The following CAAP1 variants were observed in gnomAD, a reference collection of about 807,000 sequenced individuals.
The protein encoded by CAAP1 is caspase activity and apoptosis inhibitor 1.
A neutral mutation model predicts 34.0 loss-of-function variants in CAAP1; 20 were observed. The observed-to-expected ratio is 0.59, with a 90% CI of 0.41 to 0.86. The LOEUF (loss-of-function observed/expected upper bound fraction) is 0.86, where lower values mean the gene tolerates loss of function less well. Ranked by LOEUF, CAAP1 falls within the 40% of genes least tolerant of loss-of-function variation. CAAP1 has a pLI of 0.00. For synonymous variants in CAAP1, 213 were observed against 166.7 expected, an observed-to-expected ratio of 1.28 and a Z score of -2.14; for missense variants, 538 against 450.5, an observed-to-expected ratio of 1.19 and a Z score of -1.76.
At chr9:26,891,950 T>C (rs1218900349) in intron 1 of CAAP1, among the ~76,000 whole-genome samples, 3 of 152,192 alleles carry the variant, frequency 2.0e-5, no homozygotes, top group Admixed American at 6.5e-5. Context: ...TAGTCAGATA[T>C]TTGGATTCAA....
chr9:26,869,952 A>T (rs1330986750), intron 4 of CAAP1: 2 of 984,876 alleles, frequency 2.0e-6, no homozygotes, highest in Admixed American at 1.2e-4. Context: ...CCAGTGCTTG[A>T]GCAGCAGGAT....
In CAAP1 at chr9:26,858,833, A is replaced by G. The variant is rs184898358; in HGVS notation, c.739+2233T>C. ...GGGAGGCTCCATCTCAAAAAAAAAA[A>G]AAAAAGAAAAAGAAATTAGCTAGGA... On this transcript the variant is annotated intron_variant, in intron 5 of 5. Coordinates refer to ENST00000333916, the MANE Select transcript of CAAP1 (RefSeq NM_024828.4). Among the ~76,000 whole-genome samples, 888 of 150,606 alleles carry G rather than the reference A, an allele frequency of 5.9e-3. 7 individuals carry two copies. Among genetic ancestry groups the G allele is most frequent in the African/African-American group, 0.02 (821 of 40,926 alleles).
chr9:26,888,293 C>T (rs1016363755), intron 1 of CAAP1, among the ~76,000 whole-genome samples: 1 of 152,218 alleles, frequency 6.6e-6, no homozygotes, highest in African/African-American at 2.4e-5. Context: ...CATGCTCATT[C>T]TTTGTGTTTA....
intron 4 of CAAP1, among the ~76,000 whole-genome samples, chr9:26,875,238 T>C (rs759558026): frequency 1.4e-4 from 22 of 152,088 alleles, no homozygotes; most frequent in South Asian, 4.2e-4. Context: ...ATACAAAAAT[T>C]AGCCAGGCGT....
chr9:26,855,138 G>A (rs1488608043), intron 5 of CAAP1, among the ~76,000 whole-genome samples: 1 of 152,172 alleles, frequency 6.6e-6, no homozygotes, highest in Non-Finnish European at 1.5e-5. Flanking sequence ...TCCATGCAAT[G>A]GAAAATATTC....
intron 4 of CAAP1, among the ~76,000 whole-genome samples, chr9:26,879,383 C>T (rs912305949): frequency 6.6e-6 from 1 of 152,112 alleles, no homozygotes; most frequent in Non-Finnish European, 1.5e-5. Flanking sequence ...TGCTTTACGT[C>T]CCTGAATTTA....
At chr9:26,875,704 G>A (rs1267164738) in intron 4 of CAAP1, among the ~76,000 whole-genome samples, 1 of 151,800 alleles carries the variant, frequency 6.6e-6, no homozygotes, top group Non-Finnish European at 1.5e-5. Flanking sequence ...GAAGTACTAG[G>A]TAGTGCACTG....
At chr9:26,859,250 C>T (rs751702982) in intron 5 of CAAP1, among the ~76,000 whole-genome samples, 6 of 152,148 alleles carry the variant, frequency 3.9e-5, no homozygotes, top group African/African-American at 1.4e-4. Flanking sequence ...TCTTCTCTCC[C>T]TCTCTGCACC....
chr9:26,872,579 CAG>C (rs1199372968), intron 4 of CAAP1, among the ~76,000 whole-genome samples: 1 of 141,872 alleles, frequency 7.0e-6, no homozygotes, highest in African/African-American at 2.9e-5. Flanking sequence ...TATATTTAGA[CAG>C]AGTGTCAATC....
At chr9:26,853,780 C>A in intron 5 of CAAP1, among the ~76,000 whole-genome samples, 1 of 152,138 alleles carries the variant, frequency 6.6e-6, no homozygotes. Flanking sequence ...ACAAAGAGTT[C>A]ATCCATTTTA....
At chr9:26,866,179 A>G (rs1364610256) in intron 4 of CAAP1, among the ~76,000 whole-genome samples, 2 of 152,152 alleles carry the variant, frequency 1.3e-5, no homozygotes, top group African/African-American at 4.8e-5. Context: ...CACTAATAAA[A>G]TGTTTAAATG....
At chr9:26,891,931 T>C (rs1006113181) in intron 1 of CAAP1, among the ~76,000 whole-genome samples, 2 of 152,170 alleles carry the variant, frequency 1.3e-5, no homozygotes, top group Non-Finnish European at 2.9e-5. Context: ...ATAAAGAACA[T>C]GGCTTTTGTA....
At chr9:26,878,882 A>C (rs1823514430) in intron 4 of CAAP1, among the ~76,000 whole-genome samples, 1 of 152,176 alleles carries the variant, frequency 6.6e-6, no homozygotes, top group Non-Finnish European at 1.5e-5. Flanking sequence ...TATCCAGCCC[A>C]AAGTAAACAC....
Position 26,871,958 on chromosome 9 carries a change from A to C in CAAP1, c.666-10819T>G, listed in dbSNP as rs573784967. ...ATAAATAAATAAAATAAAAAATCTA[A>C]TGCAGCTGCTAATCTCTGGCTTTCA... On this transcript the variant is annotated intron_variant, in intron 4 of 5. Coordinates refer to ENST00000333916, the MANE Select transcript of CAAP1 (RefSeq NM_024828.4). 8.1e-5 allele frequency among the ~76,000 whole-genome samples: 12 copies of C among 149,006 alleles called. 2 individuals are homozygous for C. Among genetic ancestry groups the C allele is most frequent in the African/African-American group, 3.1e-4 (12 of 38,524 alleles).
At chr9:26,860,574 C>T (rs1221453885) in intron 5 of CAAP1, among the ~76,000 whole-genome samples, 1 of 152,050 alleles carries the variant, frequency 6.6e-6, no homozygotes, top group Non-Finnish European at 1.5e-5. Context: ...GGGTGGATCA[C>T]AAGGTCAGGA....
At chr9:26,861,013 T>C in intron 5 of CAAP1, 53 bp downstream of exon 5, 1 of 1,270,918 alleles carries the variant, frequency 7.9e-7, no homozygotes, top group Non-Finnish European at 1.1e-6. Flanking sequence ...TTTGGTAAAA[T>C]GCTTCTATTC....
In CAAP1 at chr9:26,870,616, AT is replaced by A. The variant is rs538893187; in HGVS notation, c.666-9478del. ...TGTGTGTGTGTGTGTGTGTGTATAC[AT>A]ATATTTTTTTTTCTGAGAAGGAGTC... On this transcript the variant is annotated intron_variant, in intron 4 of 5. Transcript: ENST00000333916. 9.4e-5 allele frequency among the ~76,000 whole-genome samples: 14 copies of A among 148,956 alleles called. No homozygotes were observed. The South Asian group carries it at 3.0e-3, about 32-fold the overall frequency.
Position 26,892,468 on chromosome 9 carries a change from T to TCGCTGCGCTCCA in CAAP1, c.236_247dup (p.Val79_Ser82dup). On this transcript the variant is annotated inframe_insertion, in exon 1 of 6. Transcript: ENST00000333916. ...GTCGGTACTCCTCCGCTTCCGGCGCTCGCTGCGCTCCACGCTGCTCCCGCC... is the reference window on the plus strand; with the variant it reads ...GTCGGTACTCCTCCGCTTCCGGCGCTCGCTGCGCTCCACGCTGCGCTCCACGCTGCTCCCGCC... 6.4e-7 allele frequency: 1 copy of TCGCTGCGCTCCA among 1,567,332 alleles called. No homozygotes were observed. The highest frequency in any genetic ancestry group is 1.4e-5 in the African/African-American group (1 of 73,826).
chr9:26,851,705 A>T (rs1395802874), intron 5 of CAAP1, among the ~76,000 whole-genome samples: 1 of 152,242 alleles, frequency 6.6e-6, no homozygotes, highest in Non-Finnish European at 1.5e-5. Flanking sequence ...GGTAGAATAA[A>T]AGTTTGATAT....
Sources: gnomAD v4.1 joint callset for allele counts (sites outside exome capture counted in the v4.1 genomes callset) on GRCh38, gnomAD v4.1.1 for gene constraint, MANE v1.5 for transcripts, NCBI Gene and HGNC (gene_info 2026-07-23, HGNC 2026-07-21) for gene names.